The following RGS6 variants were observed in gnomAD, a reference collection of about 807,000 sequenced individuals.
The protein encoded by RGS6 is regulator of G protein signaling 6, also known as regulator of G-protein signaling 6.
In RGS6, 30 loss-of-function variants were observed where a neutral mutation model predicts 78.5. That is an observed-to-expected ratio of 0.38 (90% CI 0.29 to 0.52). RGS6 has a LOEUF of 0.52. Among genes scored for constraint, RGS6 ranks in the 20% least tolerant of loss-of-function variants. The pLI is 0.85. For synonymous variants in RGS6, 206 were observed against 206.0 expected, an observed-to-expected ratio of 1.00 and a Z score of 0.00; for missense variants, 495 against 609.7, an observed-to-expected ratio of 0.81 and a Z score of 1.98.
chr14:72,491,449 T>C (rs2096577231), intron 12 of RGS6, among the ~76,000 whole-genome samples: 1 of 152,240 alleles, frequency 6.6e-6, no homozygotes, highest in African/African-American at 2.4e-5. Flanking sequence ...TCTTCTCCCT[T>C]TCCTCAAATG....
intron 17 of RGS6, among the ~76,000 whole-genome samples, chr14:72,550,072 G>T (rs191234732): frequency 1.1e-3 from 168 of 152,306 alleles, no homozygotes; most frequent in African/African-American, 4.0e-3. Context: ...CACCAGGGCT[G>T]CTTTCAACTC....
chr14:71,888,609 C>T, the RGS6 span, among the ~76,000 whole-genome samples: 1 of 151,582 alleles, frequency 6.6e-6, no homozygotes, highest in African/African-American at 2.4e-5. Flanking sequence ...TATCTAAGTC[C>T]ATCAGTGGAA....
chr14:72,458,351 G>A lies in RGS6; in HGVS notation c.316G>A (p.Asp106Asn), dbSNP rs770657337. 2 of 1,614,108 alleles carry A rather than the reference G, an allele frequency of 1.2e-6. No homozygotes were observed. The highest frequency in any genetic ancestry group is 8.5e-7 in the Non-Finnish European group (1 of 1,179,986). Residue 106 changes from aspartate to asparagine, a missense_variant, in exon 5 of 18, where the codon GAT becomes AAT. By Grantham distance (23) the Asp-to-Asn change is conservative. Coordinates refer to ENST00000553525, the MANE Select transcript of RGS6 (RefSeq NM_001204424.2). Reference sequence around the variant, plus strand: ...CTCAGACCATGTTCTCACCATGAAGGATGATGGCACCTTTTATCGTTTCCA... The same window carrying A: ...CTCAGACCATGTTCTCACCATGAAGAATGATGGCACCTTTTATCGTTTCCA... ...PISDHVLTMK[D>N]DGTFYRFQAP... is the part of the protein sequence containing the mutation.
At chr14:72,036,208 A>C (rs1360560035) in intron 2 of RGS6, among the ~76,000 whole-genome samples, 5 of 150,122 alleles carry the variant, frequency 3.3e-5, no homozygotes, top group African/African-American at 1.2e-4. Context: ...ACATATTATT[A>C]TTATTATTAT....
chr14:72,594,169 G>A, the RGS6 span, among the ~76,000 whole-genome samples: 1 of 152,154 alleles, frequency 6.6e-6, no homozygotes, highest in Non-Finnish European at 1.5e-5. Context: ...GAGGAGCCCA[G>A]AGCAGGTAAA....
At chr14:72,350,375 G>C (rs889919797) in intron 2 of RGS6, among the ~76,000 whole-genome samples, 1 of 152,256 alleles carries the variant, frequency 6.6e-6, no homozygotes, top group South Asian at 2.1e-4. Context: ...GTGACCCTGC[G>C]AAAGTTGCAA....
At chr14:72,260,780 G>T (rs1271751098) in intron 2 of RGS6, among the ~76,000 whole-genome samples, 1 of 152,200 alleles carries the variant, frequency 6.6e-6, no homozygotes, top group African/African-American at 2.4e-5. Flanking sequence ...ATATACAGAT[G>T]CTTCCAACAT....
chr14:72,446,683 C>T (rs1187900014), intron 3 of RGS6, among the ~76,000 whole-genome samples: 1 of 152,228 alleles, frequency 6.6e-6, no homozygotes, highest in African/African-American at 2.4e-5. Flanking sequence ...ATACAACTCA[C>T]CACAATGTAG....
chr14:72,304,751 T>C (rs1465794628), intron 2 of RGS6, among the ~76,000 whole-genome samples: 1 of 152,060 alleles, frequency 6.6e-6, no homozygotes, highest in African/African-American at 2.4e-5. Flanking sequence ...TGGTGGCATG[T>C]GTCTGTGGTC....
At chr14:71,946,820 T>G (rs1420556165) in intron 1 of RGS6, among the ~76,000 whole-genome samples, 1 of 152,202 alleles carries the variant, frequency 6.6e-6, no homozygotes, top group Non-Finnish European at 1.5e-5. Flanking sequence ...AGTGAGGTCC[T>G]TAAAAACCTT....
downstream of RGS6, among the ~76,000 whole-genome samples, chr14:72,567,186 TCA>T (rs1447658263): frequency 6.6e-6 from 1 of 152,186 alleles, no homozygotes; most frequent in Non-Finnish European, 1.5e-5. Flanking sequence ...GGGACTCCAG[TCA>T]CAGCTAGAAG....
chr14:71,960,590 G>A (rs1352629374), intron 1 of RGS6, among the ~76,000 whole-genome samples: 1 of 152,228 alleles, frequency 6.6e-6, no homozygotes, highest in Non-Finnish European at 1.5e-5. Flanking sequence ...TGCCTATGAA[G>A]AACTGACTTT....
intron 2 of RGS6, among the ~76,000 whole-genome samples, chr14:72,215,293 G>T (rs2045295629): frequency 6.6e-6 from 1 of 152,218 alleles, no homozygotes. Flanking sequence ...CTTTGAGGCT[G>T]TGTCTATTTC....
chr14:71,947,703 G>A (rs921377868), intron 1 of RGS6, among the ~76,000 whole-genome samples: 7 of 152,134 alleles, frequency 4.6e-5, no homozygotes, highest in Non-Finnish European at 7.3e-5. Context: ...AGACTGGTGC[G>A]AGATTCTTAT....
the RGS6 span, among the ~76,000 whole-genome samples, chr14:71,919,652 C>A: frequency 6.6e-6 from 1 of 152,188 alleles, no homozygotes; most frequent in African/African-American, 2.4e-5. Flanking sequence ...TCAACTATAT[C>A]TCTAATCAAC....
At chr14:72,284,326 A>G (rs2062102890) in intron 2 of RGS6, among the ~76,000 whole-genome samples, 1 of 150,286 alleles carries the variant, frequency 6.7e-6, no homozygotes, top group Non-Finnish European at 1.5e-5. Context: ...CTTTGCTCCC[A>G]TTACAGGCCC....
At chr14:72,382,325 A>G (rs1452537643) in intron 3 of RGS6, among the ~76,000 whole-genome samples, 1 of 152,212 alleles carries the variant, frequency 6.6e-6, no homozygotes, top group Non-Finnish European at 1.5e-5. Flanking sequence ...ATACATGACC[A>G]ATAAGCATAC....
At chr14:72,022,771 T>C (rs1012157804) in intron 2 of RGS6, among the ~76,000 whole-genome samples, 11 of 152,198 alleles carry the variant, frequency 7.2e-5, no homozygotes, top group African/African-American at 2.2e-4. Context: ...AGTCCAAATG[T>C]TCTGGAATAA....
chr14:71,964,888 G>A lies in RGS6; in HGVS notation c.84+13G>A, dbSNP rs1450565812. 6.2e-7 allele frequency: 1 copy of A among 1,608,454 alleles called. No homozygotes were observed. The highest frequency in any genetic ancestry group is 8.5e-7 in the Non-Finnish European group (1 of 1,175,390). On this transcript the variant is annotated intron_variant, in intron 2 of 17. Transcript: ENST00000553525. ...CGTTTACTGCAAAGTAAGGCGCCTG[G>A]TCAAGTGCCGTGCGTGCTGTCCGTG...
Sources: gnomAD v4.1 joint callset for allele counts (sites outside exome capture counted in the v4.1 genomes callset) on GRCh38, gnomAD v4.1.1 for gene constraint, MANE v1.5 for transcripts, NCBI Gene and HGNC (gene_info 2026-07-23, HGNC 2026-07-21) for gene names.